ACTN2: variants seen among roughly 807,000 people sequenced by gnomAD.
The protein encoded by ACTN2 is actinin alpha 2.
A neutral mutation model predicts 113.8 loss-of-function variants in ACTN2; 39 were observed. That is an observed-to-expected ratio of 0.34 (90% CI 0.27 to 0.45). The LOEUF is 0.45. Ranked by LOEUF, ACTN2 falls within the 20% of genes least tolerant of loss-of-function variation. The probability of loss-of-function intolerance (pLI) is 1.00; values close to 1 mark genes in which losing one functional copy is unlikely to be tolerated. For synonymous variants in ACTN2, 429 were observed against 444.1 expected, an observed-to-expected ratio of 0.97 and a Z score of 0.43; for missense variants, 992 against 1,177.9, an observed-to-expected ratio of 0.84 and a Z score of 2.31.
intron 14 of ACTN2, 127 bp downstream of exon 14, chr1:236,749,391 C>G: frequency 8.4e-7 from 1 of 1,193,056 alleles, no homozygotes. Flanking sequence ...GGCTAGAAAG[C>G]CCAAATTACC....
chr1:236,692,845 G>A (rs959511849), intron 1 of ACTN2, among the ~76,000 whole-genome samples: 5 of 152,040 alleles, frequency 3.3e-5, no homozygotes, highest in Admixed American at 1.3e-4. Flanking sequence ...CTTAATTAAC[G>A]CAGCCTCAGA....
At position 236,754,880 on chromosome 1, in the gene ACTN2, A is replaced by G. The variant is rs1024155607; in HGVS notation, c.1975-139A>G. 7 of 952,350 alleles carry G rather than the reference A, an allele frequency of 7.4e-6. No homozygotes were observed. Among genetic ancestry groups the G allele is most frequent in the African/African-American group, 6.5e-5 (4 of 62,008 alleles). 59.0% of individuals were successfully genotyped at this position (952,350 alleles called of 1,614,324 possible). ...CCCAGTCCCCACTTCCTCTGAGAAA[A>G]GTGAACCGAGTGACACTGGCCGCTG... On this transcript the variant is annotated intron_variant, in intron 16 of 20. Coordinates refer to ENST00000366578, the MANE Select transcript of ACTN2 (RefSeq NM_001103.4). The surrounding 1 kb of genome is among the most constrained non-coding windows in gnomAD (Gnocchi z 4.9).
At position 236,735,730 on chromosome 1, in the gene ACTN2, A is replaced by G. The variant is rs751099532; in HGVS notation, c.783+10A>G. On this transcript the variant is annotated intron_variant, in intron 8 of 20. Coordinates refer to ENST00000366578, the MANE Select transcript of ACTN2 (RefSeq NM_001103.4). ...TGCGGGCGCGGAGCAGGTACTCAAC[A>G]CTTGTCCGTCCGGGCTGTTGTGTTA... 5 of 1,612,388 alleles carry G rather than the reference A, an allele frequency of 3.1e-6. No individual in the cohort carries two copies. The highest frequency in any genetic ancestry group is 1.7e-5 in the Admixed American group (1 of 59,972).
rs146492242 is a variant in ACTN2 at position 236,748,369 on chromosome 1, T to C, written c.1515+594T>C. On this transcript the variant is annotated intron_variant, in intron 13 of 20. Coordinates refer to ENST00000366578, the MANE Select transcript of ACTN2 (RefSeq NM_001103.4). ...TTTTGAGATAACCCAATATCAAGCT[T>C]CCCAAATGCCAAATGGCTGTGACAT... Among the ~76,000 whole-genome samples, 828 of 152,204 alleles carry C rather than the reference T, an allele frequency of 5.4e-3. 10 individuals are homozygous for C. The highest frequency in any genetic ancestry group is 0.019 in the African/African-American group (793 of 41,512).
Position 236,717,745 on chromosome 1 carries a change from C to T in ACTN2, c.127-113C>T, listed in dbSNP as rs1279205037. 9.3e-6 allele frequency: 7 copies of T among 756,316 alleles called. No individual in the cohort carries two copies. In the Admixed American group the frequency reaches 1.0e-4, roughly 11 times the overall value. The allele number at this position is 756,316 out of a possible 1,614,324, so 46.9% of individuals were successfully genotyped here. On this transcript the variant is annotated intron_variant, in intron 1 of 20. Transcript: ENST00000366578. ...ATTCTGCATCCTCTAGAAGCCCAAG[C>T]AGCCCCAGCCTTGTAGATTCCCAAG...
chr1:236,689,157 C>T (rs960641896), intron 1 of ACTN2, among the ~76,000 whole-genome samples: 1 of 151,966 alleles, frequency 6.6e-6, no homozygotes, highest in Non-Finnish European at 1.5e-5. Context: ...TGTCTACCTT[C>T]TCTTTCAAGA....
At chr1:236,705,677 C>T (rs1657803145) in intron 1 of ACTN2, among the ~76,000 whole-genome samples, 1 of 152,208 alleles carries the variant, frequency 6.6e-6, no homozygotes, top group Non-Finnish European at 1.5e-5. Flanking sequence ...TAGATTTTTC[C>T]CTGTATAAAG....
chr1:236,718,894 G>C lies in ACTN2; in HGVS notation c.242G>C (p.Gly81Ala). Residue 81 changes from glycine to alanine, a missense_variant and splice_region_variant, in exon 3 of 21, where the codon GGG (glycine) becomes GCG (alanine). This residue lies in a region of ACTN2 where 220 missense variants were observed against 337.5 expected (regional missense o/e 0.65). Coordinates refer to ENST00000366578, the MANE Select transcript of ACTN2 (RefSeq NM_001103.4). ...KLMLLLEVIS[G>A]ERLPKPDRGK... ...GCATGATTCTCTTTTCATCCAACAGGGGAAAGGCTGCCCAAACCTGACCGG... is the reference window on the plus strand; with the variant it reads ...GCATGATTCTCTTTTCATCCAACAGCGGAAAGGCTGCCCAAACCTGACCGG... The C allele has an allele frequency of 6.2e-7, 1 of 1,614,128 alleles. No individual in the cohort carries two copies. Among genetic ancestry groups the C allele is most frequent in the Non-Finnish European group, 8.5e-7 (1 of 1,180,016 alleles).
intron 1 of ACTN2, among the ~76,000 whole-genome samples, chr1:236,699,423 G>A (rs1352750624): frequency 6.6e-6 from 1 of 152,194 alleles, no homozygotes; most frequent in African/African-American, 2.4e-5. Context: ...CAAAGTGGGA[G>A]GGAAGGGGCC....
intron 12 of ACTN2, among the ~76,000 whole-genome samples, chr1:236,746,790 A>G (rs1659251539): frequency 6.6e-6 from 1 of 152,110 alleles, no homozygotes. Context: ...AGGAAAAGTA[A>G]GGATTTAGTG....
chr1:236,701,913 A>G (rs1657688515), intron 1 of ACTN2, among the ~76,000 whole-genome samples: 1 of 152,220 alleles, frequency 6.6e-6, no homozygotes. Flanking sequence ...GGCTGTCACC[A>G]TGGAGGCCTT....
chr1:236,704,106 A>G (rs1657756039), intron 1 of ACTN2, among the ~76,000 whole-genome samples: 1 of 152,224 alleles, frequency 6.6e-6, no homozygotes, highest in Non-Finnish European at 1.5e-5. Flanking sequence ...TGGAAAAGGA[A>G]CTGCCTCAAG....
chr1:236,723,615 G>C (rs974775727), intron 4 of ACTN2, among the ~76,000 whole-genome samples: 3 of 151,988 alleles, frequency 2.0e-5, no homozygotes, highest in African/African-American at 7.3e-5. Context: ...ACAAGTGCCC[G>C]CCACCGTGCC....
Position 236,757,636 on chromosome 1 carries a change from C to G in ACTN2, c.2301+4C>G. The G allele has an allele frequency of 1.2e-6, 2 of 1,614,054 alleles. No homozygotes were observed. Among genetic ancestry groups the G allele is most frequent in the Non-Finnish European group, 1.7e-6 (2 of 1,179,974 alleles). The stretch of plus-strand genomic sequence containing the variant: ...CTCCTTCAACCACTTTGACAGGGTA[C>G]CACTCTCTACTTATTTGAAGGGCAA... On this transcript the variant is annotated splice_donor_region_variant and intron_variant, in intron 18 of 20. Transcript: ENST00000366578.
At chr1:236,702,776 A>G (rs1657714707) in intron 1 of ACTN2, among the ~76,000 whole-genome samples, 1 of 152,236 alleles carries the variant, frequency 6.6e-6, no homozygotes, top group South Asian at 2.1e-4. Context: ...GGAAAGCTAT[A>G]GCTGTACCTG....
chr1:236,696,664 C>G (rs927067220), intron 1 of ACTN2, among the ~76,000 whole-genome samples: 2 of 137,242 alleles, frequency 1.5e-5, no homozygotes, highest in African/African-American at 5.1e-5. Flanking sequence ...TGTTGTCCCA[C>G]TATTTTTTTT....
In ACTN2 at chr1:236,686,504, TG is replaced by T; in HGVS notation, c.-168del. 1 of 616,968 alleles carries T rather than the reference TG, an allele frequency of 1.6e-6. No individual in the cohort carries two copies. The highest frequency in any genetic ancestry group is 2.2e-6 in the Non-Finnish European group (1 of 447,322). 38.2% of individuals were successfully genotyped at this position (616,968 alleles called of 1,614,324 possible). ...CGCGGCAGCTGCTCGCAGCCGGAGC[TG>T]GTGCTTCGCCCGAGACCCAGCGCCC... On this transcript the variant is annotated 5_prime_UTR_variant, in exon 1 of 21. Transcript: ENST00000366578.
At chr1:236,750,904 C>A (rs1659373618) in intron 14 of ACTN2, among the ~76,000 whole-genome samples, 1 of 151,204 alleles carries the variant, frequency 6.6e-6, no homozygotes. Flanking sequence ...ACCTGGGCAA[C>A]ATAATGAGAC....
At chr1:236,715,343 A>G (rs1371068756) in intron 1 of ACTN2, among the ~76,000 whole-genome samples, 16 of 126,294 alleles carry the variant, frequency 1.3e-4, no homozygotes, top group Non-Finnish European at 2.0e-4. Context: ...GTTTTATACC[A>G]AAGAAACCTA....
Sources: gnomAD v4.1 joint callset for allele counts (sites outside exome capture counted in the v4.1 genomes callset) on GRCh38, gnomAD v4.1.1 for gene constraint, gnomAD v4.1.1 regional missense constraint, Gnocchi (gnomAD v3.1) non-coding constraint, MANE v1.5 for transcripts, NCBI Gene and HGNC (gene_info 2026-07-23, HGNC 2026-07-21) for gene names.